Variants in SNTB1 observed in about 807,000 individuals in gnomAD.
SNTB1 encodes the protein syntrophin beta 1, also known as beta-1-syntrophin.
SNTB1 carries 36 observed loss-of-function variants against 48.9 expected under a neutral mutation model. The ratio of observed to expected loss-of-function variants is 0.74; its 90% confidence interval spans 0.56 to 0.97. The LOEUF is 0.97. SNTB1 is among the 50% of genes least tolerant of loss of function. SNTB1 has a pLI of 0.00. For missense variants in SNTB1, 786 were observed against 703.4 expected, an observed-to-expected ratio of 1.12 and a Z score of -1.33; for synonymous variants, 299 against 294.6, an observed-to-expected ratio of 1.01 and a Z score of -0.15.
intron 4 of SNTB1, among the ~76,000 whole-genome samples, chr8:120,554,134 G>A (rs1391666805): frequency 6.6e-6 from 1 of 152,156 alleles, no homozygotes; most frequent in Admixed American, 6.5e-5. Flanking sequence ...TGTGGAGTTG[G>A]CACATTCTCC....
intron 2 of SNTB1, among the ~76,000 whole-genome samples, chr8:120,652,889 G>A (rs371083961): frequency 2.0e-5 from 3 of 152,150 alleles, no homozygotes; most frequent in African/African-American, 7.2e-5. Context: ...ATAGCTATAG[G>A]TCTCTCTTAG....
chr8:120,677,943 G>A (rs1174755969), intron 2 of SNTB1, among the ~76,000 whole-genome samples: 1 of 152,080 alleles, frequency 6.6e-6, no homozygotes, highest in Non-Finnish European at 1.5e-5. Context: ...TGGATCTAGG[G>A]TTTGGTTTCC....
At chr8:120,720,298 T>C (rs1186006607) in intron 1 of SNTB1, among the ~76,000 whole-genome samples, 4 of 152,232 alleles carry the variant, frequency 2.6e-5, no homozygotes, top group Admixed American at 1.3e-4. Flanking sequence ...TCCTCCCTGT[T>C]CTCACACGAG....
At chr8:120,676,214 A>G (rs1817831158) in intron 2 of SNTB1, among the ~76,000 whole-genome samples, 1 of 152,250 alleles carries the variant, frequency 6.6e-6, no homozygotes, top group African/African-American at 2.4e-5. Flanking sequence ...GAACTCTACA[A>G]TAAATTCTAT....
rs1052719602 is a variant in SNTB1, at chr8:120,736,690, G to A, written c.572-42782C>T. Reference sequence around the variant, plus strand: ...CTGGGCTCCCCAGGGATTGCCAACCGTCTATTAATATGCAAAGGCTGGTGT... The same window carrying A: ...CTGGGCTCCCCAGGGATTGCCAACCATCTATTAATATGCAAAGGCTGGTGT... On this transcript the variant is annotated intron_variant, in intron 1 of 6. Transcript: ENST00000517992. Among the ~76,000 whole-genome samples, 13 of 152,284 alleles carry A rather than the reference G, an allele frequency of 8.5e-5. No individual in the cohort carries two copies. The East Asian group carries it at 1.9e-3, about 23-fold the overall frequency.
At chr8:120,631,320 T>C (rs1399268288) in intron 3 of SNTB1, among the ~76,000 whole-genome samples, 1 of 152,192 alleles carries the variant, frequency 6.6e-6, no homozygotes. Context: ...ACCACCAGCA[T>C]TGTCCCTTTC....
intron 1 of SNTB1, among the ~76,000 whole-genome samples, chr8:120,778,292 C>A (rs1356489349): frequency 6.6e-6 from 1 of 152,176 alleles, no homozygotes; most frequent in African/African-American, 2.4e-5. Flanking sequence ...TAAAAACTTA[C>A]AGAAAGATCT....
intron 1 of SNTB1, among the ~76,000 whole-genome samples, chr8:120,752,144 G>A (rs1819228776): frequency 6.6e-6 from 1 of 152,104 alleles, no homozygotes; most frequent in South Asian, 2.1e-4. Flanking sequence ...TAAGAGAAGG[G>A]CAGGTGTATG....
In SNTB1 at chr8:120,554,410, C is replaced by T. The variant is rs796991722; in HGVS notation, c.1137-5452G>A. On this transcript the variant is annotated intron_variant, in intron 4 of 6. Transcript: ENST00000517992. ...TTAGTATAAAAAATCATGACATCTA[C>T]AATAATCATCCAGACGTAGGACAAT... 2.1e-4 allele frequency among the ~76,000 whole-genome samples: 32 copies of T among 152,278 alleles called. 1 individual carries two copies. Among genetic ancestry groups the T allele is most frequent in the African/African-American group, 7.5e-4 (31 of 41,546 alleles).
chr8:120,719,690 G>A (rs150486142), intron 1 of SNTB1, among the ~76,000 whole-genome samples: 22 of 152,278 alleles, frequency 1.4e-4, no homozygotes, highest in South Asian at 6.2e-4. Flanking sequence ...AAGGACTTGA[G>A]TGCAGGTGGT....
intron 2 of SNTB1, among the ~76,000 whole-genome samples, chr8:120,671,026 T>C (rs1817748853): frequency 6.6e-6 from 1 of 152,234 alleles, no homozygotes; most frequent in African/African-American, 2.4e-5. Context: ...CTTTGTTTGA[T>C]TATTTCAAAA....
At chr8:120,635,946 CA>C in intron 2 of SNTB1, 1 of 527,442 alleles carries the variant, frequency 1.9e-6, no homozygotes. Context: ...TGATTTTCTC[CA>C]AAGCTTTCAG....
intron 1 of SNTB1, among the ~76,000 whole-genome samples, chr8:120,754,839 T>C (rs1819286749): frequency 6.6e-6 from 1 of 152,132 alleles, no homozygotes; most frequent in Admixed American, 6.6e-5. Context: ...CCTTCCCTAA[T>C]ATTAGGCTGG....
intron 3 of SNTB1, among the ~76,000 whole-genome samples, chr8:120,578,104 T>C (rs200393701): frequency 1.3e-5 from 2 of 151,950 alleles, no homozygotes; most frequent in African/African-American, 4.8e-5. Context: ...GCGATCTCGG[T>C]TCACTGCAAG....
At chr8:120,624,392 C>A (rs957729941) in intron 3 of SNTB1, among the ~76,000 whole-genome samples, 4 of 152,148 alleles carry the variant, frequency 2.6e-5, no homozygotes, top group Non-Finnish European at 4.4e-5. Context: ...ATGAGAGAAT[C>A]TGGAAGGTGG....
intron 3 of SNTB1, among the ~76,000 whole-genome samples, chr8:120,625,561 T>C (rs1300669390): frequency 2.0e-5 from 3 of 152,238 alleles, no homozygotes; most frequent in Non-Finnish European, 4.4e-5. Context: ...AGAGAATAGA[T>C]GATGGAGGCA....
intron 2 of SNTB1, among the ~76,000 whole-genome samples, chr8:120,667,882 G>A (rs1817699899): frequency 6.6e-6 from 1 of 152,090 alleles, no homozygotes; most frequent in Non-Finnish European, 1.5e-5. Context: ...CCTTATGTGT[G>A]CTCTACCCAA....
chr8:120,747,557 C>T lies in SNTB1; in HGVS notation c.572-53649G>A, dbSNP rs200146909. Among the ~76,000 whole-genome samples, 57 of 152,196 alleles carry T rather than the reference C, an allele frequency of 3.7e-4. 1 individual carries two copies. In the East Asian group the frequency reaches 0.011, roughly 28 times the overall value. On this transcript the variant is annotated intron_variant, in intron 1 of 6. Transcript: ENST00000517992. ...CCGCCTGCCTCAGCCTCCGAAAGTGCGAGGATTACAGGCATGAGCCATCAC... is the reference window on the plus strand; with the variant it reads ...CCGCCTGCCTCAGCCTCCGAAAGTGTGAGGATTACAGGCATGAGCCATCAC...
intron 3 of SNTB1, among the ~76,000 whole-genome samples, chr8:120,591,124 G>A (rs189376393): frequency 3.3e-5 from 5 of 152,292 alleles, no homozygotes; most frequent in Admixed American, 2.6e-4. Context: ...CTAAAAGTCA[G>A]CATCGTGGAT....
Sources: gnomAD v4.1 joint callset for allele counts (sites outside exome capture counted in the v4.1 genomes callset) on GRCh38, gnomAD v4.1.1 for gene constraint, MANE v1.5 for transcripts, NCBI Gene and HGNC (gene_info 2026-07-23, HGNC 2026-07-21) for gene names.